BBX: variants seen among roughly 807,000 people sequenced by gnomAD.
The protein encoded by BBX is BBX high mobility group box domain containing.
In BBX, 30 loss-of-function variants were observed where a neutral mutation model predicts 100.2. That is an observed-to-expected ratio of 0.30 (90% CI 0.22 to 0.41). BBX has a LOEUF of 0.41. BBX is among the 10% of genes least tolerant of loss of function. The pLI is 1.00. For missense variants in BBX, 1,023 were observed against 1,129.8 expected, an observed-to-expected ratio of 0.91 and a Z score of 1.35; for synonymous variants, 376 against 388.1, an observed-to-expected ratio of 0.97 and a Z score of 0.37.
intron 10 of BBX, among the ~76,000 whole-genome samples, chr3:107,772,342 C>G (rs1281406454): frequency 2.0e-5 from 3 of 152,130 alleles, no homozygotes; most frequent in African/African-American, 7.2e-5. Context: ...CTCTGAATCC[C>G]TTCCTCCTTC....
intron 3 of BBX, among the ~76,000 whole-genome samples, chr3:107,665,073 C>T (rs926832193): frequency 2.0e-5 from 3 of 152,098 alleles, no homozygotes; most frequent in Non-Finnish European, 2.9e-5. Flanking sequence ...CAATATTTTG[C>T]GTTTTGTCAA....
chr3:107,641,788 C>T (rs2057229974), intron 2 of BBX: 1 of 152,154 alleles, frequency 6.6e-6, no homozygotes, highest in Non-Finnish European at 1.5e-5. Flanking sequence ...ATTGTAATTT[C>T]AGTTAAAGAT....
intron 2 of BBX, among the ~76,000 whole-genome samples, chr3:107,564,088 T>G (rs2050701971): frequency 6.6e-6 from 1 of 152,170 alleles, no homozygotes; most frequent in Non-Finnish European, 1.5e-5. Flanking sequence ...CAGTCTGATT[T>G]GCAGAAAATA....
intron 4 of BBX, among the ~76,000 whole-genome samples, chr3:107,712,813 C>T (rs897649557): frequency 2.6e-5 from 4 of 152,208 alleles, no homozygotes; most frequent in Non-Finnish European, 5.9e-5. Flanking sequence ...TCTCTGTGCT[C>T]ACTGTGTGCT....
intron 2 of BBX, among the ~76,000 whole-genome samples, chr3:107,529,214 AC>A (rs1420259387): frequency 6.6e-6 from 1 of 152,238 alleles, no homozygotes; most frequent in African/African-American, 2.4e-5. Context: ...AACGTGGCAT[AC>A]CTGTGCTTTA....
chr3:107,770,177 G>T (rs1205284996), intron 10 of BBX, among the ~76,000 whole-genome samples: 1 of 152,192 alleles, frequency 6.6e-6, no homozygotes, highest in Non-Finnish European at 1.5e-5. Flanking sequence ...TTTCAGGGGT[G>T]ATGAGAGAAT....
At chr3:107,737,530 G>A (rs946910749) in intron 7 of BBX, among the ~76,000 whole-genome samples, 12 of 152,144 alleles carry the variant, frequency 7.9e-5, no homozygotes, top group African/African-American at 2.9e-4. Flanking sequence ...TAAAAGGACT[G>A]TAAAGGTCGT....
intron 5 of BBX, among the ~76,000 whole-genome samples, chr3:107,724,229 A>G (rs1431232708): frequency 2.0e-5 from 3 of 152,274 alleles, no homozygotes; most frequent in South Asian, 4.1e-4. Flanking sequence ...GTGTCTGTTC[A>G]TATCCTTTGC....
intron 3 of BBX, among the ~76,000 whole-genome samples, chr3:107,665,658 T>G (rs887808070): frequency 1.3e-5 from 2 of 152,180 alleles, no homozygotes; most frequent in Non-Finnish European, 1.5e-5. Context: ...ATTTCATTTA[T>G]CAGGCAACCC....
chr3:107,527,669 G>T (rs143252861), intron 2 of BBX, among the ~76,000 whole-genome samples: 45 of 152,230 alleles, frequency 3.0e-4, no homozygotes, highest in Admixed American at 2.6e-3. Context: ...TATAAATATT[G>T]CATTACTGCT....
chr3:107,783,914 G>A (rs2068154537), intron 13 of BBX, among the ~76,000 whole-genome samples: 1 of 151,934 alleles, frequency 6.6e-6, no homozygotes, highest in Admixed American at 6.6e-5. Flanking sequence ...TTTGCTATTG[G>A]TTATTTAGAA....
intron 3 of BBX, among the ~76,000 whole-genome samples, chr3:107,692,178 A>ATTTATTTC (rs1260532943): frequency 5.4e-5 from 8 of 148,922 alleles, no homozygotes; most frequent in African/African-American, 2.0e-4. Context: ...TATTTTATTT[A>ATTTATTTC]TTTATTTATT....
chr3:107,545,028 A>T (rs186120018), intron 2 of BBX, among the ~76,000 whole-genome samples: 4,803 of 150,716 alleles, frequency 0.032, 135 homozygotes, highest in African/African-American at 0.085. Flanking sequence ...AAAAAAAAAA[A>T]TTTTTTAAAA....
chr3:107,791,267 A>C lies in BBX; in HGVS notation c.2321A>C (p.Gln774Pro). The C allele has an allele frequency of 6.2e-7, 1 of 1,613,484 alleles. No homozygotes were observed. Among genetic ancestry groups the C allele is most frequent in the Non-Finnish European group, 8.5e-7 (1 of 1,179,574 alleles). The change falls in exon 15 of 18, where the codon CAA (glutamine) becomes CCA (proline). Residue 774 changes from glutamine to proline, a missense_variant. Coordinates refer to ENST00000325805, the MANE Select transcript of BBX (RefSeq NM_001142568.3). ...AGTGGGGATAAATGGTCAAACAAGCAACTCTTCTTGGATGCCATTCACCCT... is the reference window on the plus strand; with the variant it reads ...AGTGGGGATAAATGGTCAAACAAGCCACTCTTCTTGGATGCCATTCACCCT... Reference protein sequence around the residue: ...KGSGDKWSNKQLFLDAIHPTE... With the variant: ...KGSGDKWSNKPLFLDAIHPTE...
chr3:107,592,844 C>T (rs1272392634), intron 2 of BBX, among the ~76,000 whole-genome samples: 2 of 152,148 alleles, frequency 1.3e-5, no homozygotes, highest in Non-Finnish European at 2.9e-5. Context: ...TTAAGTTGTA[C>T]AGCTTATCTT....
At position 107,805,400 on chromosome 3, in the gene BBX, T is replaced by C. The variant is rs1392092090; in HGVS notation, c.2769T>C (p.Asp923=). 3.7e-6 allele frequency: 6 copies of C among 1,614,106 alleles called. No individual in the cohort carries two copies. Among genetic ancestry groups the C allele is most frequent in the Non-Finnish European group, 5.1e-6 (6 of 1,179,968 alleles). The stretch of plus-strand genomic sequence containing the variant: ...AGAGGTCAACTCCGCTCACCCATGA[T>C]GGACAGCCAAAAGAAATGCCGCAGG... The part of the protein sequence containing the change: ...RGQRSTPLTH[D]GQPKEMPQAP... The change falls in exon 18 of 18, where the codon GAT becomes GAC. Residue 923 remains aspartate (D), a synonymous_variant. Coordinates refer to ENST00000325805, the MANE Select transcript of BBX (RefSeq NM_001142568.3).
At chr3:107,731,511 A>G (rs1285677807) in intron 6 of BBX, among the ~76,000 whole-genome samples, 2 of 152,142 alleles carry the variant, frequency 1.3e-5, no homozygotes, top group Non-Finnish European at 2.9e-5. Flanking sequence ...GGAGTCTCAA[A>G]ACAATACCAA....
chr3:107,751,222 T>C (rs911057379), intron 9 of BBX, among the ~76,000 whole-genome samples: 1 of 152,208 alleles, frequency 6.6e-6, no homozygotes, highest in Non-Finnish European at 1.5e-5. Flanking sequence ...TTTATATCCC[T>C]GTCTCTTTTC....
At chr3:107,554,644 G>A (rs891287090) in intron 2 of BBX, among the ~76,000 whole-genome samples, 8 of 152,190 alleles carry the variant, frequency 5.3e-5, no homozygotes, top group Middle Eastern at 3.4e-3. Flanking sequence ...TCTTTGATTC[G>A]TGAGTACTTA....
Sources: allele counts gnomAD v4.1 joint callset (sites outside exome capture counted in the v4.1 genomes callset), GRCh38; gene constraint gnomAD v4.1.1; transcripts MANE v1.5; gene names NCBI Gene and HGNC (gene_info 2026-07-23, HGNC 2026-07-21).